The following TEX14 variants were observed in gnomAD, a reference collection of about 807,000 sequenced individuals.
TEX14 encodes inactive serine/threonine-protein kinase TEX14.
A neutral mutation model predicts 178.6 loss-of-function variants in TEX14; 168 were observed. The ratio of observed to expected loss-of-function variants is 0.94; its 90% CI spans 0.83 to 1.07. The LOEUF is 1.07. TEX14 is among the 50% of genes least tolerant of loss of function. TEX14 has a pLI of 0.00. For missense variants in TEX14, 1,730 were observed against 1,753.6 expected, an observed-to-expected ratio of 0.99 and a Z score of 0.24; for synonymous variants, 626 against 634.1, an observed-to-expected ratio of 0.99 and a Z score of 0.19.
chr17:58,586,970 C>T (rs559178497), intron 17 of TEX14, among the ~76,000 whole-genome samples: 5 of 152,134 alleles, frequency 3.3e-5, no homozygotes, highest in Admixed American at 6.5e-5. Context: ...CCTCCTTGTA[C>T]CCTGAGTTGC....
In TEX14 at chr17:58,602,563, C is replaced by A; in HGVS notation, c.1364G>T (p.Gly455Val). The A allele has an allele frequency of 1.9e-6, 3 of 1,613,440 alleles. No individual in the cohort carries two copies. Among genetic ancestry groups the A allele is most frequent in the African/African-American group, 1.3e-5 (1 of 74,900 alleles). Residue 455 changes from glycine to valine, a missense_variant, in exon 12 of 32, where the codon GGC (glycine) becomes GTC (valine). Physicochemically the swap from Gly to Val is moderately radical, Grantham distance 109. Transcript: ENST00000349033. ...GACTACGGCTTTTTTAACAACTGAG[C>A]CATCTAAGCCCTTCCAGGGTATGTC... Reference protein sequence around the residue: ...TDDIPWKGLDGSVVKKAVVSG... With the variant: ...TDDIPWKGLDVSVVKKAVVSG...
At chr17:58,647,644 A>G (rs2046743973) in intron 2 of TEX14, among the ~76,000 whole-genome samples, 1 of 151,846 alleles carries the variant, frequency 6.6e-6, no homozygotes, top group Admixed American at 6.6e-5. Flanking sequence ...TTGTTCCACC[A>G]AAATCAAAAT....
chr17:58,620,222 T>A (rs891489685), intron 5 of TEX14, among the ~76,000 whole-genome samples: 4 of 152,210 alleles, frequency 2.6e-5, no homozygotes, highest in Non-Finnish European at 5.9e-5. Flanking sequence ...AGGCAGGGTC[T>A]CCAAGGCCGG....
intron 15 of TEX14, among the ~76,000 whole-genome samples, chr17:58,589,323 GAGACCGGGGCAGGTGAA>G (rs1190577325): frequency 6.6e-6 from 1 of 151,714 alleles, no homozygotes; most frequent in East Asian, 1.9e-4. Context: ...AGCACTTTGG[GAGACCGGGGCAGGTGAA>G]TCATGAGGTC....
chr17:58,597,922 C>A (rs1040113741), intron 14 of TEX14, among the ~76,000 whole-genome samples: 3 of 152,118 alleles, frequency 2.0e-5, no homozygotes, highest in Non-Finnish European at 4.4e-5. Context: ...GTCTGCTCAC[C>A]TCCTCTGAGG....
In TEX14 at chr17:58,557,864, A is replaced by C; in HGVS notation, c.4268-14T>G. The C allele has an allele frequency of 6.2e-7, 1 of 1,607,056 alleles. No homozygotes were observed. The highest frequency in any genetic ancestry group is 8.5e-7 in the Non-Finnish European group (1 of 1,175,194). On this transcript the variant is annotated splice_polypyrimidine_tract_variant and intron_variant, in intron 30 of 31. Transcript: ENST00000349033. ...ATTTTAGTTCATCTTGATGAAATAT[A>C]AGAGGAAGGAAAAAACAACATGATT...
At chr17:58,614,521 T>C (rs1476955548) in intron 8 of TEX14, among the ~76,000 whole-genome samples, 2 of 152,130 alleles carry the variant, frequency 1.3e-5, no homozygotes, top group African/African-American at 4.8e-5. Context: ...GGAAGAAATA[T>C]GTCAGGAATT....
chr17:58,573,447 A>G (rs1349960491), intron 22 of TEX14, 139 bp from the exon 23 acceptor site: 2 of 720,074 alleles, frequency 2.8e-6, no homozygotes, highest in Non-Finnish European at 4.7e-6. Context: ...AATATCTTAG[A>G]ACATCTTATG....
intron 9 of TEX14, among the ~76,000 whole-genome samples, chr17:58,612,760 T>G (rs1261760614): frequency 2.2e-5 from 3 of 137,198 alleles, no homozygotes; most frequent in Admixed American, 7.3e-5. Flanking sequence ...AAAAAAAAAT[T>G]AGCTGGGCAT....
At position 58,570,301 on chromosome 17, in the gene TEX14, C is replaced by T. The variant is rs2044491525; in HGVS notation, c.3817+84G>A. On this transcript the variant is annotated intron_variant, in intron 25 of 31. Transcript: ENST00000349033. ...GGGGAAAACAGCATTTCTGTCTGAA[C>T]CTAATGTGGCATCAAAGATTGATAA... 4.8e-6 allele frequency: 4 copies of T among 831,874 alleles called. No individual in the cohort carries two copies. The Admixed American group carries it at 1.2e-4, about 26-fold the overall frequency. 51.5% of individuals were successfully genotyped at this position (831,874 alleles called of 1,614,324 possible).
At chr17:58,616,589 C>G (rs2045878842) in intron 6 of TEX14, among the ~76,000 whole-genome samples, 1 of 151,904 alleles carries the variant, frequency 6.6e-6, no homozygotes, top group Non-Finnish European at 1.5e-5. Flanking sequence ...CACCACCACA[C>G]CTGGCTAATT....
Position 58,630,557 on chromosome 17 carries a change from G to A in TEX14, c.137-3C>T. 1.2e-6 allele frequency: 2 copies of A among 1,602,288 alleles called. No individual in the cohort carries two copies. The highest frequency in any genetic ancestry group is 4.5e-5 in the East Asian group (2 of 44,804). ...GTTAACTGCATCAACATAAATTCCT[G>A]CAAAGGAAATATCAGAATCAATGCA... is the stretch of plus-strand genomic sequence containing the variant. On this transcript the variant is annotated splice_polypyrimidine_tract_variant and splice_region_variant and intron_variant, in intron 2 of 31. Coordinates refer to ENST00000349033, the MANE Select transcript of TEX14 (RefSeq NM_031272.5).
chr17:58,641,778 G>A (rs2046582771), intron 2 of TEX14, among the ~76,000 whole-genome samples: 1 of 152,160 alleles, frequency 6.6e-6, no homozygotes, highest in African/African-American at 2.4e-5. Flanking sequence ...AAAGTGCTGG[G>A]ATTACAGGCG....
intron 8 of TEX14, 151 bp from the exon 9 acceptor site, chr17:58,613,695 G>C: frequency 1.1e-6 from 1 of 893,068 alleles, no homozygotes; most frequent in Non-Finnish European, 1.6e-6. Context: ...GAGTCTCACT[G>C]TATTGCCCAG....
chr17:58,607,009 T>C (rs1209920080), intron 10 of TEX14, among the ~76,000 whole-genome samples: 1 of 97,072 alleles, frequency 1.0e-5, no homozygotes, highest in Non-Finnish European at 2.1e-5. Flanking sequence ...TGGGCTACTG[T>C]CTCAAAAAAA....
At chr17:58,634,683 T>C (rs964710083) in intron 2 of TEX14, among the ~76,000 whole-genome samples, 6 of 152,190 alleles carry the variant, frequency 3.9e-5, no homozygotes, top group African/African-American at 1.4e-4. Flanking sequence ...AGGACAATTC[T>C]GCATGGATCT....
rs138823742 is a variant in TEX14, at chr17:58,585,976, G to A, written c.2895C>T (p.Pro965=). The part of the protein sequence containing the change: ...LTLESEAENE[P]DALLQPPIRS... The stretch of plus-strand genomic sequence containing the variant: ...TAATGGGGGGCTGCAGCAGGGCGTC[G>A]GGCTCATTTTCAGCCTCGCTCTCTA... The change falls in exon 18 of 32, where the codon CCC becomes CCT. Residue 965 remains proline (P), a synonymous_variant. Transcript: ENST00000349033. The A allele has an allele frequency of 1.1e-5, 18 of 1,613,860 alleles. No homozygotes were observed. The East Asian group carries it at 1.8e-4, about 16-fold the overall frequency.
intron 21 of TEX14, among the ~76,000 whole-genome samples, chr17:58,576,633 A>C (rs925365013): frequency 6.6e-6 from 1 of 152,334 alleles, no homozygotes; most frequent in Non-Finnish European, 1.5e-5. Context: ...CATTTCTACT[A>C]CCACAAAGAT....
intron 2 of TEX14, among the ~76,000 whole-genome samples, chr17:58,647,247 G>A (rs2046731029): frequency 6.6e-6 from 1 of 151,830 alleles, no homozygotes; most frequent in Admixed American, 6.6e-5. Context: ...CTGCAGCCCA[G>A]CGCGGTGGCT....
Sources: gnomAD v4.1 joint callset for allele counts (sites outside exome capture counted in the v4.1 genomes callset) on GRCh38, gnomAD v4.1.1 for gene constraint, MANE v1.5 for transcripts, NCBI Gene and HGNC (gene_info 2026-07-23, HGNC 2026-07-21) for gene names.